MAP2K2: variants seen among roughly 807,000 people sequenced by gnomAD.
MAP2K2 encodes mitogen-activated protein kinase kinase 2.
In MAP2K2, 24 loss-of-function variants were observed where a neutral mutation model predicts 43.7. That is an observed-to-expected ratio of 0.55 (90% CI 0.40 to 0.77). MAP2K2 has a LOEUF of 0.77. Ranked by LOEUF, MAP2K2 falls within the 30% of genes least tolerant of loss-of-function variation. The pLI is 0.00. For missense variants in MAP2K2, 470 were observed against 566.8 expected (o/e 0.83, Z 1.73); for synonymous variants, 244 against 239.7 (o/e 1.02, Z -0.17).
intron 10 of MAP2K2, among the ~76,000 whole-genome samples, chr19:4,091,355 A>T (rs2040852730): frequency 1.3e-5 from 2 of 151,690 alleles, no homozygotes; most frequent in South Asian, 4.2e-4. Context: ...CTTTTACTTT[A>T]ATTTTTTTTT....
chr19:4,106,171 C>T (rs1463338227), intron 3 of MAP2K2, among the ~76,000 whole-genome samples: 3 of 152,006 alleles, frequency 2.0e-5, no homozygotes, highest in African/African-American at 4.8e-5. Flanking sequence ...TTTGGGAGGC[C>T]GAGGCAGGAG....
At chr19:4,097,086 C>T (rs1237913356) in intron 8 of MAP2K2, among the ~76,000 whole-genome samples, 193 bp downstream of exon 8, 5 of 149,008 alleles carry the variant, frequency 3.4e-5, no homozygotes, top group African/African-American at 1.2e-4. Flanking sequence ...CCCAGCTACT[C>T]GGGAGGCTGA....
At chr19:4,095,170 CT>C in intron 9 of MAP2K2, 1 of 553,430 alleles carries the variant, frequency 1.8e-6, no homozygotes, top group South Asian at 2.1e-5. Flanking sequence ...TGCAATCCTG[CT>C]TCACCCCTGG....
intron 8 of MAP2K2, 64 bp from the exon 9 acceptor site, chr19:4,095,513 C>T (rs2145043787): frequency 3.0e-6 from 4 of 1,353,582 alleles, no homozygotes; most frequent in South Asian, 1.3e-5. Flanking sequence ...GGCTGCAGCC[C>T]TCTCTACCCC....
At chr19:4,110,173 G>A (rs891904181) in intron 3 of MAP2K2, among the ~76,000 whole-genome samples, 10 of 151,848 alleles carry the variant, frequency 6.6e-5, no homozygotes, top group Non-Finnish European at 1.3e-4. Flanking sequence ...GAGTGGTGGC[G>A]GGCGCCTGTA....
chr19:4,108,750 C>T (rs1009623651), intron 3 of MAP2K2, among the ~76,000 whole-genome samples: 1 of 151,888 alleles, frequency 6.6e-6, no homozygotes, highest in Non-Finnish European at 1.5e-5. Flanking sequence ...GAAGGGGGCT[C>T]GAGAACTGAG....
In MAP2K2 at chr19:4,094,495, G is replaced by A. The variant is rs2145041892; in HGVS notation, c.1050C>T (p.Leu350=). 4.5e-6 allele frequency: 7 copies of A among 1,570,238 alleles called. 1 individual carries two copies. The highest frequency in any genetic ancestry group is 3.5e-5 in the South Asian group (3 of 85,498). ...CCGCCCGCTCCGCTGGGTTCTTGAT[G>A]AGGCTGGGGGTTCCAAGAGGCAGGA... ...PDFQEFVNKC[L]IKNPAERADL... Residue 350 remains leucine, a synonymous_variant, in exon 10 of 11, where the codon CTC becomes CTT. Coordinates refer to ENST00000262948, the MANE Select transcript of MAP2K2 (RefSeq NM_030662.4).
chr19:4,115,639 G>A lies in MAP2K2; in HGVS notation c.303+1780C>T, dbSNP rs1020296839. ...GCTGCACACTTCAGGAGGGAGGGAG[G>A]GCAGCACTCTAGAGGCCAGAAGACA... On this transcript the variant is annotated intron_variant, in intron 2 of 10. Coordinates refer to ENST00000262948, the MANE Select transcript of MAP2K2 (RefSeq NM_030662.4). The surrounding 1 kb of genome is among the most constrained non-coding windows in gnomAD (Gnocchi z 4.1). 6.6e-6 allele frequency among the ~76,000 whole-genome samples: 1 copy of A among 152,154 alleles called. No homozygotes were observed. The highest frequency in any genetic ancestry group is 1.5e-5 in the Non-Finnish European group (1 of 68,020).
chr19:4,092,279 G>A (rs2040861563), intron 10 of MAP2K2, among the ~76,000 whole-genome samples: 1 of 152,166 alleles, frequency 6.6e-6, no homozygotes, highest in Non-Finnish European at 1.5e-5. Context: ...CCCAACAGGG[G>A]AGCATTTTTA....
rs1025404510 is a variant in MAP2K2 at position 4,094,939 on chromosome 19, A to G, written c.1047-441T>C. 7.6e-5 allele frequency: 27 copies of G among 356,886 alleles called. 2 individuals are homozygous for G. The highest frequency in any genetic ancestry group is 5.4e-4 in the Admixed American group (13 of 23,918). The allele number at this position is 356,886 out of a possible 1,614,324, so 22.1% of individuals were successfully genotyped here. A position where few individuals can be genotyped will look rare whatever the true frequency, so the allele number is the denominator to read the frequency against. ...GCCCTGTGGGCAGCGGGGTGTCCGC[A>G]GCTCCTTCCCCGTGGTCTGCGGCAC... On this transcript the variant is annotated intron_variant, in intron 9 of 10. Coordinates refer to ENST00000262948, the MANE Select transcript of MAP2K2 (RefSeq NM_030662.4).
At chr19:4,092,021 T>C (rs2040859571) in intron 10 of MAP2K2, among the ~76,000 whole-genome samples, 1 of 152,046 alleles carries the variant, frequency 6.6e-6, no homozygotes, top group African/African-American at 2.4e-5. Flanking sequence ...GAGAAGCCTC[T>C]TGGTTGGAAG....
chr19:4,097,331 T>C lies in MAP2K2; in HGVS notation c.932A>G (p.Asp311Gly). ...PGRPVSGHGM[D>G]SRPAMAIFEL... ...AAAGATGGCCATGGCAGGCCGGCTATCCATCCCGTGACCTGCACAGGGAGA... is the reference window on the plus strand; with the variant it reads ...AAAGATGGCCATGGCAGGCCGGCTACCCATCCCGTGACCTGCACAGGGAGA... The change falls in exon 8 of 11, where the codon GAT (aspartate) becomes GGT (glycine). Residue 311 changes from aspartate to glycine, a missense_variant. Around this residue, in one of 3 missense-constraint regions of MAP2K2, gnomAD observed 212 missense variants for 220.8 expected, o/e 0.96. Transcript: ENST00000262948. 6.2e-7 allele frequency: 1 copy of C among 1,604,334 alleles called. No individual in the cohort carries two copies. Among genetic ancestry groups the C allele is most frequent in the Non-Finnish European group, 8.5e-7 (1 of 1,174,862 alleles).
At chr19:4,096,863 C>T (rs907829518) in intron 8 of MAP2K2, among the ~76,000 whole-genome samples, 12 of 151,924 alleles carry the variant, frequency 7.9e-5, no homozygotes, top group African/African-American at 2.9e-4. Context: ...GGTTCGTCTT[C>T]ATAAAAAAAC....
chr19:4,097,809 G>A (rs1353234587), intron 7 of MAP2K2, among the ~76,000 whole-genome samples: 1 of 152,186 alleles, frequency 6.6e-6, no homozygotes, highest in Non-Finnish European at 1.5e-5. Flanking sequence ...AGAACCAGCT[G>A]GCCAGGCCTG....
chr19:4,100,915 G>A (rs1304317860), intron 6 of MAP2K2, 104 bp downstream of exon 6: 2 of 1,315,368 alleles, frequency 1.5e-6, no homozygotes, highest in Non-Finnish European at 2.1e-6. Flanking sequence ...GGAGACATGG[G>A]GGTGAGAGCT....
In MAP2K2 at chr19:4,090,639, G is replaced by A. The variant is rs144383241; in HGVS notation, c.1162C>T (p.Arg388Trp). 595 of 1,555,980 alleles carry A rather than the reference G, an allele frequency of 3.8e-4. 4 individuals carry two copies. In the African/African-American group the frequency reaches 7.5e-3, roughly 20 times the overall value. ...DFAGWLCKTL[R>W]LNQPGTPTRT... ...GTGGGTGTGCCGGGCTGGTTCAGCC[G>A]CAGGGTTTTACACAACCAGCCGGCA... Residue 388 changes from arginine to tryptophan, a missense_variant, in exon 11 of 11, where the codon CGG (arginine) becomes TGG (tryptophan). Coordinates refer to ENST00000262948, the MANE Select transcript of MAP2K2 (RefSeq NM_030662.4).
At position 4,113,115 on chromosome 19, in the gene MAP2K2, C is replaced by T. The variant is rs149868014; in HGVS notation, c.304-2460G>A. ...GGGTGACAAGAAGCAGGAAAGAGCG[C>T]GCGTTCGGCTGGCCGTCGCAAGTCG... On this transcript the variant is annotated intron_variant, in intron 2 of 10. Transcript: ENST00000262948. 3.4e-3 allele frequency among the ~76,000 whole-genome samples: 510 copies of T among 152,210 alleles called. 2 individuals carry two copies. The highest frequency in any genetic ancestry group is 6.8e-3 in the Middle Eastern group (2 of 292).
chr19:4,121,993 A>AC (rs2145086725), intron 1 of MAP2K2, among the ~76,000 whole-genome samples: 2 of 94,798 alleles, frequency 2.1e-5, no homozygotes, highest in Non-Finnish European at 4.4e-5. Context: ...CCTCTCCCCT[A>AC]AGGGACCCCC....
chr19:4,105,067 T>A (rs1175442832), intron 3 of MAP2K2, among the ~76,000 whole-genome samples: 1 of 151,882 alleles, frequency 6.6e-6, no homozygotes, highest in Non-Finnish European at 1.5e-5. Flanking sequence ...TTTGTCTGAG[T>A]CACAGAGACA....
Sources: allele counts gnomAD v4.1 joint callset (sites outside exome capture counted in the v4.1 genomes callset), GRCh38; gene constraint gnomAD v4.1.1; regional missense constraint gnomAD v4.1.1; non-coding constraint Gnocchi (gnomAD v3.1); transcripts MANE v1.5; gene names NCBI Gene and HGNC (gene_info 2026-07-23, HGNC 2026-07-21).